LDB3: variants seen among roughly 807,000 people sequenced by gnomAD.
LDB3 encodes LIM domain binding 3, also known as LIM domain-binding protein 3.
LDB3 carries 49 observed loss-of-function variants against 69.0 expected under a neutral mutation model. That is an observed-to-expected ratio of 0.71 (90% CI 0.56 to 0.90). LDB3 has a LOEUF of 0.90. Among genes scored for constraint, LDB3 ranks in the 40% least tolerant of loss-of-function variants. LDB3 has a pLI of 0.00. For missense variants in LDB3, 928 were observed against 974.1 expected, an observed-to-expected ratio of 0.95 and a Z score of 0.63; for synonymous variants, 387 against 396.2, an observed-to-expected ratio of 0.98 and a Z score of 0.28.
chr10:86,704,824 C>T (rs1446910177), intron 7 of LDB3, among the ~76,000 whole-genome samples: 3 of 151,626 alleles, frequency 2.0e-5, no homozygotes, highest in Non-Finnish European at 1.5e-5. Flanking sequence ...CCTCGTGATC[C>T]GCCCACCTCG....
intron 5 of LDB3, among the ~76,000 whole-genome samples, chr10:86,691,365 A>G (rs548670946): frequency 1.3e-5 from 2 of 152,008 alleles, no homozygotes; most frequent in South Asian, 4.2e-4. Context: ...GTTTCTTACC[A>G]CTTTCCAGCA....
chr10:86,684,190 GA>G (rs1845323784), intron 5 of LDB3, among the ~76,000 whole-genome samples: 1 of 152,238 alleles, frequency 6.6e-6, no homozygotes, highest in South Asian at 2.1e-4. Flanking sequence ...GGCTGGCACT[GA>G]AGGGCAGTGC....
At chr10:86,705,217 A>T (rs1363634136) in intron 7 of LDB3, among the ~76,000 whole-genome samples, 1 of 152,172 alleles carries the variant, frequency 6.6e-6, no homozygotes, top group Non-Finnish European at 1.5e-5. Flanking sequence ...ATTCTTACTG[A>T]TAAGTTGTAG....
At chr10:86,711,434 C>T (rs1846659823) in intron 9 of LDB3, among the ~76,000 whole-genome samples, 1 of 151,934 alleles carries the variant, frequency 6.6e-6, no homozygotes, top group Non-Finnish European at 1.5e-5. Flanking sequence ...AAGAGGCGGC[C>T]GGGCGGGCGC....
chr10:86,700,010 C>T (rs780138268), intron 7 of LDB3: 19 of 986,758 alleles, frequency 1.9e-5, no homozygotes, highest in African/African-American at 3.5e-5. Context: ...TACATATAAG[C>T]ATGCTTGTTC....
chr10:86,699,047 AAGAC>A lies in LDB3; in HGVS notation c.896+6477_896+6480del, dbSNP rs1846135958. On this transcript the variant is annotated intron_variant, in intron 7 of 13. Coordinates refer to ENST00000361373, the MANE Select transcript of LDB3 (RefSeq NM_007078.3). This position sits in a 1 kb window ranked among gnomAD's most constrained non-coding sequence, Gnocchi z 4.9. Reference sequence around the variant, plus strand: ...CTTCAGTCCCTCCATCCTGGTCCCCAAGACTCTCGGTCTTCCCCTAACCCAGGCC... The same window carrying A: ...CTTCAGTCCCTCCATCCTGGTCCCCATCTCGGTCTTCCCCTAACCCAGGCC... Among the ~76,000 whole-genome samples the A allele has an allele frequency of 6.6e-6, 1 of 152,082 alleles. No homozygotes were observed. Among genetic ancestry groups the A allele is most frequent in the East Asian group, 2.0e-4 (1 of 5,118 alleles).
intron 10 of LDB3, 91 bp downstream of exon 10, chr10:86,716,862 G>A: frequency 2.2e-6 from 3 of 1,368,394 alleles, no homozygotes; most frequent in Middle Eastern, 2.5e-4. Flanking sequence ...TGGGAGAGAT[G>A]GGGGTAGGAG....
At chr10:86,692,999 C>T (rs935333459) in intron 7 of LDB3, among the ~76,000 whole-genome samples, 14 of 152,172 alleles carry the variant, frequency 9.2e-5, no homozygotes, top group East Asian at 1.9e-4. Context: ...CTGTGCTGGA[C>T]GTGAACGCCT....
intron 6 of LDB3, 104 bp from the exon 7 acceptor site, chr10:86,692,431 G>A (rs1477472253): frequency 1.7e-6 from 2 of 1,176,754 alleles, no homozygotes; most frequent in Non-Finnish European, 2.6e-6. Flanking sequence ...CAGTCACCGT[G>A]TGGGGCCTGG....
intron 3 of LDB3, 45 bp downstream of exon 3, chr10:86,679,563 G>T (rs1222083396): frequency 1.2e-6 from 2 of 1,606,888 alleles, no homozygotes; most frequent in Non-Finnish European, 1.7e-6. Context: ...TTTGGGTGTG[G>T]GCATGGGGCA....
At position 86,668,845 on chromosome 10, in the gene LDB3, G is replaced by A. The variant is rs565693089; in HGVS notation, c.93+61G>A. ...GGCAGGCACGCTTGGAGGAGGGCAT[G>A]TGTGTCCGTCTGTCTGTCTGTCCTT... On this transcript the variant is annotated intron_variant, in intron 2 of 13. Coordinates refer to ENST00000361373, the MANE Select transcript of LDB3 (RefSeq NM_007078.3). 38 of 1,257,846 alleles carry A rather than the reference G, an allele frequency of 3.0e-5. 1 individual carries two copies. The East Asian group carries it at 8.4e-4, about 28-fold the overall frequency. The allele number at this position is 1,257,846 out of a possible 1,614,324, so 77.9% of individuals were successfully genotyped here.
intron 12 of LDB3, among the ~76,000 whole-genome samples, chr10:86,722,613 T>A (rs1847120273): frequency 8.5e-6 from 1 of 117,976 alleles, no homozygotes; most frequent in Non-Finnish European, 1.7e-5. Context: ...TCACCCAGGC[T>A]GGAGTACAGT....
At position 86,681,812 on chromosome 10, in the gene LDB3, C is replaced by G; in HGVS notation, c.689+9C>G. On this transcript the variant is annotated intron_variant, in intron 5 of 13. Transcript: ENST00000361373. Reference sequence around the variant, plus strand: ...GTCGGACTCCCAGGAGGGTAGGTAACGGACATACAGCTCTCCACAGGTGGC... The same window carrying G: ...GTCGGACTCCCAGGAGGGTAGGTAAGGGACATACAGCTCTCCACAGGTGGC... The G allele has an allele frequency of 6.3e-7, 1 of 1,586,930 alleles. No individual in the cohort carries two copies. The highest frequency in any genetic ancestry group is 8.6e-7 in the Non-Finnish European group (1 of 1,168,198).
chr10:86,688,226 A>G (rs1194462564), intron 5 of LDB3, among the ~76,000 whole-genome samples: 1 of 152,176 alleles, frequency 6.6e-6, no homozygotes, highest in African/African-American at 2.4e-5. Flanking sequence ...TAGCAATTCA[A>G]GGCAAAAAGT....
intron 2 of LDB3, 127 bp downstream of exon 2, chr10:86,668,911 G>A (rs2132321110): frequency 1.3e-6 from 1 of 743,574 alleles, no homozygotes; most frequent in Admixed American, 2.1e-5. Context: ...CATCCCCTGG[G>A]ACTGGCCTGG....
intron 5 of LDB3, among the ~76,000 whole-genome samples, chr10:86,682,573 G>T (rs1372210849): frequency 1.3e-5 from 2 of 152,166 alleles, no homozygotes; most frequent in Non-Finnish European, 2.9e-5. Context: ...CTTCACGCTT[G>T]TTCTCTCACC....
chr10:86,699,585 C>A lies in LDB3; in HGVS notation c.897-6946C>A. 3 of 1,421,136 alleles carry A rather than the reference C, an allele frequency of 2.1e-6. No homozygotes were observed. Among genetic ancestry groups the A allele is most frequent in the Non-Finnish European group, 1.8e-6 (2 of 1,088,576 alleles). The allele number at this position is 1,421,136 out of a possible 1,614,324, so 88.0% of individuals were successfully genotyped here. On this transcript the variant is annotated intron_variant, in intron 7 of 13. Coordinates refer to ENST00000361373, the MANE Select transcript of LDB3 (RefSeq NM_007078.3). The surrounding 1 kb of genome is among the most constrained non-coding windows in gnomAD (Gnocchi z 4.9). ...CCCTGCAGCTCTGTACCCACCAAAC[C>A]TCCCCAGGGCAACCCTCGCCACCCC...
intron 3 of LDB3, 125 bp from the exon 4 acceptor site, chr10:86,679,957 G>A: frequency 1.2e-6 from 1 of 853,230 alleles, no homozygotes; most frequent in African/African-American, 1.7e-5. Flanking sequence ...GGGGCCCTCT[G>A]ACTCAGCTAT....
intron 7 of LDB3, among the ~76,000 whole-genome samples, chr10:86,701,753 G>C (rs76062643): frequency 8.3e-4 from 127 of 152,284 alleles, no homozygotes; most frequent in African/African-American, 3.0e-3. Flanking sequence ...AGGCTGGACA[G>C]ATACTCTAAG....
Sources: gnomAD v4.1 joint callset for allele counts (sites outside exome capture counted in the v4.1 genomes callset) on GRCh38, gnomAD v4.1.1 for gene constraint, Gnocchi (gnomAD v3.1) non-coding constraint, MANE v1.5 for transcripts, NCBI Gene and HGNC (gene_info 2026-07-23, HGNC 2026-07-21) for gene names.